Variants in CEMIP2 observed in about 807,000 individuals in gnomAD.
CEMIP2 encodes the protein cell migration inducing hyaluronidase 2.
CEMIP2 carries 79 observed loss-of-function variants against 146.9 expected under a neutral mutation model. The ratio of observed to expected loss-of-function variants is 0.54; its 90% CI spans 0.45 to 0.65. CEMIP2 has a LOEUF of 0.65. CEMIP2 is among the 30% of genes least tolerant of loss of function. The pLI, the probability that CEMIP2 is intolerant of heterozygous loss-of-function variation, is 0.00. For synonymous variants in CEMIP2, 601 were observed against 606.3 expected, an observed-to-expected ratio of 0.99 and a Z score of 0.13; for missense variants, 1,596 against 1,696.2, an observed-to-expected ratio of 0.94 and a Z score of 1.04.
chr9:71,712,527 G>A, intron 15 of CEMIP2: 1 of 315,854 alleles, frequency 3.2e-6, no homozygotes, highest in South Asian at 7.8e-5. Context: ...GGAGAAAGAT[G>A]CTATTTTAGA....
In CEMIP2 at chr9:71,698,074, C is replaced by T. The variant is rs370056798; in HGVS notation, c.3508G>A (p.Ala1170Thr). Residue 1170 changes from alanine to threonine, a missense_variant, in exon 20 of 24, where the codon GCA becomes ACA. Transcript: ENST00000377044. ...SKDISNCMAK[A>T]YPQYYRKPSV... ...GGCTTTCTGTAGTACTGTGGGTATG[C>T]TTTGGCCATGCAGTTACTGATGTCC... The T allele has an allele frequency of 6.2e-7, 1 of 1,614,158 alleles. No individual in the cohort carries two copies. Among genetic ancestry groups the T allele is most frequent in the Non-Finnish European group, 8.5e-7 (1 of 1,180,024 alleles).
chr9:71,713,734 A>G (rs1822972210), intron 15 of CEMIP2, among the ~76,000 whole-genome samples: 1 of 152,212 alleles, frequency 6.6e-6, no homozygotes, highest in Non-Finnish European at 1.5e-5. Flanking sequence ...TGTGAAGAGC[A>G]CAGCACTGAA....
rs761958976 is a variant in CEMIP2, at chr9:71,734,794, G to A, written c.1393+12C>T. 6.3e-7 allele frequency: 1 copy of A among 1,581,932 alleles called. No individual in the cohort carries two copies. Among genetic ancestry groups the A allele is most frequent in the South Asian group, 1.1e-5 (1 of 87,118 alleles). ...GTGTGTTTCCCAAGAAGTACTCTAA[G>A]CAGTTTAATACCTTTGACTTTGACC... On this transcript the variant is annotated intron_variant, in intron 6 of 23. Transcript: ENST00000377044.
At chr9:71,754,686 G>A (rs1021717820) in intron 1 of CEMIP2, among the ~76,000 whole-genome samples, 1 of 152,098 alleles carries the variant, frequency 6.6e-6, no homozygotes, top group Non-Finnish European at 1.5e-5. Flanking sequence ...CATAATTTTT[G>A]GTATTTAGAT....
At chr9:71,725,999 A>C (rs780664600) in intron 10 of CEMIP2, among the ~76,000 whole-genome samples, 1 of 152,228 alleles carries the variant, frequency 6.6e-6, no homozygotes, top group Non-Finnish European at 1.5e-5. Context: ...TCTACGTTAA[A>C]AGTTATGCAG....
chr9:71,712,302 C>T, intron 15 of CEMIP2, 42 bp from the exon 16 acceptor site: 1 of 1,573,434 alleles, frequency 6.4e-7, no homozygotes, highest in Non-Finnish European at 8.7e-7. Context: ...ATGGGCTGTC[C>T]CCTTAGCAGC....
intron 7 of CEMIP2, among the ~76,000 whole-genome samples, chr9:71,731,282 A>T (rs62547030): frequency 0.07 from 10,707 of 152,228 alleles, 539 homozygotes; most frequent in South Asian, 0.19. Flanking sequence ...TTATTTCTAG[A>T]TCCTCCCCAG....
At chr9:71,718,760 A>C (rs1823144598) in intron 12 of CEMIP2, among the ~76,000 whole-genome samples, 2 of 152,046 alleles carry the variant, frequency 1.3e-5, no homozygotes, top group African/African-American at 4.8e-5. Context: ...TATTTTTAGC[A>C]GAGACAAGGT....
intron 11 of CEMIP2, among the ~76,000 whole-genome samples, chr9:71,723,350 G>GA: frequency 1.0e-5 from 1 of 97,334 alleles, no homozygotes; most frequent in Admixed American, 1.0e-4. Flanking sequence ...GATTGAAAGA[G>GA]AATTTAAAAA....
chr9:71,733,366 C>T (rs558850227), intron 6 of CEMIP2, among the ~76,000 whole-genome samples: 1 of 152,240 alleles, frequency 6.6e-6, no homozygotes, highest in African/African-American at 2.4e-5. Context: ...GAAGACTCAT[C>T]ATGCAGACTT....
At chr9:71,692,400 C>G (rs1049300379) in intron 21 of CEMIP2, among the ~76,000 whole-genome samples, 2 of 107,264 alleles carry the variant, frequency 1.9e-5, no homozygotes, top group African/African-American at 1.0e-4. Context: ...TCTCTATTAC[C>G]TAGTAAACTA....
At chr9:71,729,077 C>T (rs941216057) in intron 10 of CEMIP2, among the ~76,000 whole-genome samples, 2 of 151,728 alleles carry the variant, frequency 1.3e-5, no homozygotes, top group Non-Finnish European at 2.9e-5. Flanking sequence ...TGAGCTCAAG[C>T]GATCCAACAG....
Position 71,732,333 on chromosome 9 carries a change from T to G in CEMIP2, c.1563+18A>C. 2 of 1,573,154 alleles carry G rather than the reference T, an allele frequency of 1.3e-6. No individual in the cohort carries two copies. The highest frequency in any genetic ancestry group is 2.0e-5 in the Admixed American group (1 of 49,952). On this transcript the variant is annotated intron_variant, in intron 7 of 23. Coordinates refer to ENST00000377044, the MANE Select transcript of CEMIP2 (RefSeq NM_013390.3). Reference sequence around the variant, plus strand: ...AGCAACCAGGATTTCAAAGAAATAATCAAATCCTTTTGCCTACCATAATGT... The same window carrying G: ...AGCAACCAGGATTTCAAAGAAATAAGCAAATCCTTTTGCCTACCATAATGT...
intron 21 of CEMIP2, among the ~76,000 whole-genome samples, chr9:71,693,498 T>C (rs1364211013): frequency 6.6e-6 from 1 of 152,246 alleles, no homozygotes; most frequent in Non-Finnish European, 1.5e-5. Context: ...AGAGGCAACC[T>C]TAAAATAAAA....
intron 14 of CEMIP2, 124 bp downstream of exon 14, chr9:71,716,393 A>T: frequency 1.3e-6 from 1 of 754,450 alleles, no homozygotes; most frequent in Non-Finnish European, 2.1e-6. Flanking sequence ...GGCATCAGGA[A>T]GAGGTTGCTA....
Position 71,685,109 on chromosome 9 carries a change from T to G in CEMIP2, c.*88A>C. 1 of 1,300,766 alleles carries G rather than the reference T, an allele frequency of 7.7e-7. No individual in the cohort carries two copies. The highest frequency in any genetic ancestry group is 2.4e-5 in the East Asian group (1 of 41,072). The allele number at this position is 1,300,766 out of a possible 1,614,324, so 80.6% of individuals were successfully genotyped here. On this transcript the variant is annotated 3_prime_UTR_variant, in exon 24 of 24. Transcript: ENST00000377044. Reference sequence around the variant, plus strand: ...GTATCAAACTGGAAAATGGTTCCGTTGGGTTAACAGTGTCATTTTAAAATG... The same window carrying G: ...GTATCAAACTGGAAAATGGTTCCGTGGGGTTAACAGTGTCATTTTAAAATG...
In CEMIP2 at chr9:71,745,575, C is replaced by T; in HGVS notation, c.477G>A (p.Leu159=). 1 of 1,595,368 alleles carries T rather than the reference C, an allele frequency of 6.3e-7. No homozygotes were observed. Among genetic ancestry groups the T allele is most frequent in the Non-Finnish European group, 8.5e-7 (1 of 1,172,506 alleles). The change falls in exon 4 of 24, where the codon CTG becomes CTA. Residue 159 remains leucine (L), a synonymous_variant. Coordinates refer to ENST00000377044, the MANE Select transcript of CEMIP2 (RefSeq NM_013390.3). The part of the protein sequence containing the change: ...VHSIVIQDGG[L]LVFGDNKDGS... Reference sequence around the variant, plus strand: ...CATCTTTATTGTCCCCAAATACAAGCAGTCCTGCAGGGAACACCACCCTGT... The same window carrying T: ...CATCTTTATTGTCCCCAAATACAAGTAGTCCTGCAGGGAACACCACCCTGT...
At chr9:71,685,875 C>G (rs1446679016) in intron 22 of CEMIP2, 29 bp from the exon 23 acceptor site, 2 of 1,498,888 alleles carry the variant, frequency 1.3e-6, no homozygotes, top group East Asian at 2.3e-5. Context: ...AAGTCAGAGC[C>G]AATTTCAATC....
Position 71,704,807 on chromosome 9 carries a change from G to C in CEMIP2, c.2986-4C>G, listed in dbSNP as rs1822688013. On this transcript the variant is annotated splice_region_variant and splice_polypyrimidine_tract_variant and intron_variant, in intron 17 of 23. Transcript: ENST00000377044. ...TGCTCCATGTCTGTACATAGACCTT[G>C]AAAAAATAATCAAGAAGTAAAGGGA... 1 of 1,609,358 alleles carries C rather than the reference G, an allele frequency of 6.2e-7. No individual in the cohort carries two copies. Among genetic ancestry groups the C allele is most frequent in the African/African-American group, 1.3e-5 (1 of 74,746 alleles).
Sources: gnomAD v4.1 joint callset for allele counts (sites outside exome capture counted in the v4.1 genomes callset) on GRCh38, gnomAD v4.1.1 for gene constraint, MANE v1.5 for transcripts, NCBI Gene and HGNC (gene_info 2026-07-23, HGNC 2026-07-21) for gene names.